MAP2K5: variants seen among roughly 807,000 people sequenced by gnomAD.
MAP2K5 encodes the protein dual specificity mitogen-activated protein kinase kinase 5.
In MAP2K5, 49 loss-of-function variants were observed where a neutral mutation model predicts 83.1. That is an observed-to-expected ratio of 0.59 (90% CI 0.47 to 0.75). MAP2K5 has a LOEUF of 0.75. Ranked by LOEUF, MAP2K5 falls within the 30% of genes least tolerant of loss-of-function variation. The pLI is 0.00. For missense variants in MAP2K5, 457 were observed against 557.5 expected (o/e 0.82, Z 1.82); for synonymous variants, 202 against 191.8 (o/e 1.05, Z -0.44).
At chr15:67,725,291 C>T (rs2089063695) in intron 16 of MAP2K5, among the ~76,000 whole-genome samples, 1 of 152,202 alleles carries the variant, frequency 6.6e-6, no homozygotes, top group African/African-American at 2.4e-5. Flanking sequence ...ATGCACATTC[C>T]CAAGTTGGCT....
intron 1 of MAP2K5, chr15:67,549,195 CTT>C (rs1420160787): frequency 6.5e-7 from 1 of 1,535,518 alleles, no homozygotes; most frequent in African/African-American, 1.4e-5. Flanking sequence ...TGGAGGGTCA[CTT>C]TCCCCAGAGC....
chr15:67,651,223 A>C (rs958229598), intron 11 of MAP2K5, among the ~76,000 whole-genome samples: 20 of 152,218 alleles, frequency 1.3e-4, no homozygotes, highest in Non-Finnish European at 2.5e-4. Context: ...CAAAATAAAT[A>C]AATCAATCAA....
chr15:67,651,772 C>G (rs2086961815), intron 11 of MAP2K5, among the ~76,000 whole-genome samples: 1 of 152,138 alleles, frequency 6.6e-6, no homozygotes, highest in South Asian at 2.1e-4. Context: ...GATGGACACT[C>G]AGATTGATTT....
intron 3 of MAP2K5, among the ~76,000 whole-genome samples, chr15:67,576,031 C>G (rs2085057990): frequency 7.3e-6 from 1 of 137,048 alleles, no homozygotes; most frequent in Non-Finnish European, 1.6e-5. Context: ...GCAATTCTGT[C>G]TCAGCCTCCT....
chr15:67,548,004 A>G (rs891026252), intron 1 of MAP2K5, among the ~76,000 whole-genome samples: 7 of 152,110 alleles, frequency 4.6e-5, no homozygotes, highest in Admixed American at 1.3e-4. Context: ...TGATTCTCTC[A>G]CTCAAGTTTG....
intron 13 of MAP2K5, among the ~76,000 whole-genome samples, chr15:67,688,988 C>T (rs985106209): frequency 2.0e-5 from 3 of 152,098 alleles, no homozygotes; most frequent in African/African-American, 4.8e-5. Flanking sequence ...ATACTGTGCT[C>T]GGAAGGGATA....
In MAP2K5 at chr15:67,676,764, C is replaced by T. The variant is rs1351450569; in HGVS notation, c.847+12119C>T. Among the ~76,000 whole-genome samples, 1 of 152,090 alleles carries T rather than the reference C, an allele frequency of 6.6e-6. No homozygotes were observed. Among genetic ancestry groups the T allele is most frequent in the African/African-American group, 2.4e-5 (1 of 41,400 alleles). On this transcript the variant is annotated intron_variant, in intron 13 of 21. Coordinates refer to ENST00000178640, the MANE Select transcript of MAP2K5 (RefSeq NM_145160.3). This position sits in a 1 kb window ranked among gnomAD's most constrained non-coding sequence, Gnocchi z 4.8. ...ATTCTTAGGTGAAGCAATCAAGGCT[C>T]AAGCAGCCTAAAAAACTTGCTTAGT...
chr15:67,731,554 T>C (rs1487263704), intron 17 of MAP2K5, among the ~76,000 whole-genome samples: 1 of 152,160 alleles, frequency 6.6e-6, no homozygotes, highest in Non-Finnish European at 1.5e-5. Flanking sequence ...CTACTGCCTA[T>C]AACAGGAAAA....
chr15:67,627,263 T>G (rs1438605596), intron 8 of MAP2K5, among the ~76,000 whole-genome samples: 2 of 152,214 alleles, frequency 1.3e-5, no homozygotes, highest in Non-Finnish European at 1.5e-5. Context: ...TAAAGTTTTA[T>G]AAGTAGTATT....
chr15:67,552,735 G>A lies in MAP2K5; in HGVS notation c.184+2653G>A, dbSNP rs562270483. Among the ~76,000 whole-genome samples, 3 of 152,204 alleles carry A rather than the reference G, an allele frequency of 2.0e-5. No homozygotes were observed. Among genetic ancestry groups the A allele is most frequent in the African/African-American group, 4.8e-5 (2 of 41,540 alleles). On this transcript the variant is annotated intron_variant, in intron 2 of 21. Coordinates refer to ENST00000178640, the MANE Select transcript of MAP2K5 (RefSeq NM_145160.3). The surrounding 1 kb of genome is among the most constrained non-coding windows in gnomAD (Gnocchi z 4.2). Reference sequence around the variant, plus strand: ...TACAGGTGTGAGCCACTGTACCCACGAAGTACTTAAAAGGACATTATTAGC... The same window carrying A: ...TACAGGTGTGAGCCACTGTACCCACAAAGTACTTAAAAGGACATTATTAGC...
intron 16 of MAP2K5, 114 bp downstream of exon 16, chr15:67,703,522 A>G (rs1474477309): frequency 2.5e-6 from 2 of 793,376 alleles, no homozygotes; most frequent in Non-Finnish European, 4.1e-6. Context: ...TGTTATATAG[A>G]TGTATACAGA....
rs2141275596 is a variant in MAP2K5, at chr15:67,749,928, T to G, written c.1134+1327T>G. Among the ~76,000 whole-genome samples the G allele has an allele frequency of 2.6e-5, 4 of 152,362 alleles. 1 individual carries two copies. The highest frequency in any genetic ancestry group is 6.8e-3 in the Middle Eastern group (2 of 294). Reference sequence around the variant, plus strand: ...AGTTTCGTGCACAGCCTTCTGTGTTTCCTGGGCTCTACCGTTGGTCTGCCA... The same window carrying G: ...AGTTTCGTGCACAGCCTTCTGTGTTGCCTGGGCTCTACCGTTGGTCTGCCA... On this transcript the variant is annotated intron_variant, in intron 19 of 21. Coordinates refer to ENST00000178640, the MANE Select transcript of MAP2K5 (RefSeq NM_145160.3). The surrounding 1 kb of genome is among the most constrained non-coding windows in gnomAD (Gnocchi z 4.6).
chr15:67,543,497 G>T lies in MAP2K5; in HGVS notation c.135+27G>T. 6.2e-7 allele frequency: 1 copy of T among 1,613,558 alleles called. No individual in the cohort carries two copies. On this transcript the variant is annotated intron_variant, in intron 1 of 21. Transcript: ENST00000178640. The surrounding 1 kb of genome is among the most constrained non-coding windows in gnomAD (Gnocchi z 4.3). The stretch of plus-strand genomic sequence containing the variant: ...TGAGTGGTAATCTCAGTGTCCGGAT[G>T]CCAGCAAGGGGGACTCAGGGACTTG...
In MAP2K5 at chr15:67,801,754, G is replaced by A. The variant is rs565830499; in HGVS notation, c.1243-4892G>A. 6.6e-6 allele frequency among the ~76,000 whole-genome samples: 1 copy of A among 152,284 alleles called. No individual in the cohort carries two copies. Among genetic ancestry groups the A allele is most frequent in the South Asian group, 2.1e-4 (1 of 4,828 alleles). On this transcript the variant is annotated intron_variant, in intron 21 of 21. Coordinates refer to ENST00000178640, the MANE Select transcript of MAP2K5 (RefSeq NM_145160.3). This position sits in a 1 kb window ranked among gnomAD's most constrained non-coding sequence, Gnocchi z 4.8. ...CACAGCAAGTGCTCAGTAAGTAGAT[G>A]TATACATACAGAATATAGAAGTCAC...
Position 67,630,903 on chromosome 15 carries a change from G to T in MAP2K5, c.561G>T (p.Pro187=). ...GGTVYKAYHV[P]SGKILAVKVI... ...CTTCCCATAGAGCATATCATGTCCC[G>T]AGTGGGAAAATATTAGCTGTAAAGG... The change falls in exon 9 of 22, where the codon CCG becomes CCT. Residue 187 remains proline (P), a synonymous_variant. Transcript: ENST00000178640. 6.2e-7 allele frequency: 1 copy of T among 1,609,426 alleles called. No homozygotes were observed. The highest frequency in any genetic ancestry group is 8.5e-7 in the Non-Finnish European group (1 of 1,177,426).
chr15:67,756,601 A>T (rs1276600742), intron 19 of MAP2K5, among the ~76,000 whole-genome samples: 1 of 150,856 alleles, frequency 6.6e-6, no homozygotes, highest in East Asian at 1.9e-4. Flanking sequence ...CAAATTTTAA[A>T]TACATAATAC....
chr15:67,789,056 C>A (rs925230237), intron 21 of MAP2K5, among the ~76,000 whole-genome samples: 2 of 151,918 alleles, frequency 1.3e-5, no homozygotes, highest in Non-Finnish European at 2.9e-5. Context: ...TCTTCCAGCC[C>A]TAATCTCTAG....
rs2241420 is a variant in MAP2K5, at chr15:67,790,478, G to C, written c.1243-16168G>C. On this transcript the variant is annotated intron_variant, in intron 21 of 21. Coordinates refer to ENST00000178640, the MANE Select transcript of MAP2K5 (RefSeq NM_145160.3). This position sits in a 1 kb window ranked among gnomAD's most constrained non-coding sequence, Gnocchi z 4.6. ...TGAAATGCTGTCTGAGGGCACTGCC[G>C]TCTTGTCTGTAGGCTGTGCACAAGT... is the stretch of plus-strand genomic sequence containing the variant. Among the ~76,000 whole-genome samples, 35 of 151,912 alleles carry C rather than the reference G, an allele frequency of 2.3e-4. No homozygotes were observed. The highest frequency in any genetic ancestry group is 1.9e-3 in the East Asian group (10 of 5,146).
chr15:67,573,587 TTG>T lies in MAP2K5; in HGVS notation c.253-7166_253-7165del, dbSNP rs2084992371. Among the ~76,000 whole-genome samples, 1 of 152,076 alleles carries T rather than the reference TTG, an allele frequency of 6.6e-6. No individual in the cohort carries two copies. The highest frequency in any genetic ancestry group is 6.5e-5 in the Admixed American group (1 of 15,272). The stretch of plus-strand genomic sequence containing the variant: ...AATCCAAACCATATCAGACTCCATC[TTG>T]AATAGAAGCTGGGTAAAATGAGGCT... On this transcript the variant is annotated intron_variant, in intron 3 of 21. Coordinates refer to ENST00000178640, the MANE Select transcript of MAP2K5 (RefSeq NM_145160.3). The surrounding 1 kb of genome is among the most constrained non-coding windows in gnomAD (Gnocchi z 4.2).
Sources: allele counts gnomAD v4.1 joint callset (sites outside exome capture counted in the v4.1 genomes callset), GRCh38; gene constraint gnomAD v4.1.1; non-coding constraint Gnocchi (gnomAD v3.1); transcripts MANE v1.5; gene names NCBI Gene and HGNC (gene_info 2026-07-23, HGNC 2026-07-21).